ASTN2: variants seen among roughly 807,000 people sequenced by gnomAD.
The protein encoded by ASTN2 is astrotactin-2.
In ASTN2, 54 loss-of-function variants were observed where a neutral mutation model predicts 139.8. That is an observed-to-expected ratio of 0.39 (90% CI 0.31 to 0.48). The LOEUF (loss-of-function observed/expected upper bound fraction) is 0.48, where lower values mean the gene tolerates loss of function less well. Among genes scored for constraint, ASTN2 ranks in the 20% least tolerant of loss-of-function variants. ASTN2 has a pLI of 0.95. For missense variants in ASTN2, 1,565 were observed against 1,725.1 expected (o/e 0.91, Z 1.64); for synonymous variants, 756 against 719.5 (o/e 1.05, Z -0.81).
Position 116,963,691 on chromosome 9 carries a change from C to G in ASTN2, c.1889+11517G>C, listed in dbSNP as rs547677646. Among the ~76,000 whole-genome samples the G allele has an allele frequency of 4.6e-5, 7 of 152,282 alleles. No individual in the cohort carries two copies. The East Asian group carries it at 1.4e-3, about 29-fold the overall frequency. On this transcript the variant is annotated intron_variant, in intron 10 of 22. Transcript: ENST00000313400. ...AGAACTTGGGGCTTTCCTCCATTTG[C>G]TCCTCCAAGCTCACTCTCAGCTTAT... is the stretch of plus-strand genomic sequence containing the variant.
chr9:117,200,433 C>G (rs1328235011), intron 3 of ASTN2, among the ~76,000 whole-genome samples: 2 of 152,092 alleles, frequency 1.3e-5, no homozygotes, highest in Non-Finnish European at 2.9e-5. Context: ...GCATCCTTGC[C>G]TTCTACTGGT....
At chr9:116,855,421 T>C (rs545839653) in intron 11 of ASTN2, among the ~76,000 whole-genome samples, 1 of 152,258 alleles carries the variant, frequency 6.6e-6, no homozygotes, top group East Asian at 1.9e-4. Context: ...ATTCCCTTCT[T>C]TACTGGCTAT....
At chr9:117,367,885 G>T (rs972489096) in intron 1 of ASTN2, among the ~76,000 whole-genome samples, 1 of 152,088 alleles carries the variant, frequency 6.6e-6, no homozygotes, top group African/African-American at 2.4e-5. Context: ...TCATTTGCAC[G>T]AGTTACCTCT....
intron 1 of ASTN2, among the ~76,000 whole-genome samples, chr9:117,377,318 AC>A (rs1384182659): frequency 6.6e-5 from 10 of 152,066 alleles, no homozygotes; most frequent in African/African-American, 2.2e-4. Flanking sequence ...CTTTTCTAAA[AC>A]CCTGTTTTGG....
intron 2 of ASTN2, among the ~76,000 whole-genome samples, chr9:117,285,614 T>C (rs935196931): frequency 5.3e-5 from 8 of 152,216 alleles, no homozygotes; most frequent in African/African-American, 1.9e-4. Flanking sequence ...ATCATCTAAA[T>C]TGGAGGCAAC....
chr9:117,130,353 T>C (rs1421865735), intron 4 of ASTN2, among the ~76,000 whole-genome samples: 1 of 152,148 alleles, frequency 6.6e-6, no homozygotes, highest in Admixed American at 6.6e-5. Flanking sequence ...TGAATCTTAA[T>C]GTGCAAATTA....
At chr9:117,070,149 G>T (rs979738720) in intron 5 of ASTN2, among the ~76,000 whole-genome samples, 1 of 135,790 alleles carries the variant, frequency 7.4e-6, no homozygotes, top group Non-Finnish European at 1.6e-5. Flanking sequence ...GGCTGGTACC[G>T]GTTGTTCCTT....
At chr9:117,341,888 T>C (rs757926097) in intron 1 of ASTN2, among the ~76,000 whole-genome samples, 5 of 152,132 alleles carry the variant, frequency 3.3e-5, no homozygotes, top group Admixed American at 2.6e-4. Flanking sequence ...TTAGAGGTAA[T>C]GGAAGAAGAT....
rs572962761 is a variant in ASTN2 at position 117,257,256 on chromosome 9, G to A, written c.630+34070C>T. Among the ~76,000 whole-genome samples the A allele has an allele frequency of 2.6e-5, 4 of 152,260 alleles. No individual in the cohort carries two copies. In the South Asian group the frequency reaches 8.3e-4, roughly 32 times the overall value. ...GGGTCTAAAAGGACTAGAGTTTGGG[G>A]AACAGGGACACACTGACTTCGGGGC... On this transcript the variant is annotated intron_variant, in intron 2 of 22. Coordinates refer to ENST00000313400, the MANE Select transcript of ASTN2 (RefSeq NM_001365068.1).
At chr9:117,162,620 A>G (rs1253635752) in intron 3 of ASTN2, among the ~76,000 whole-genome samples, 1 of 152,052 alleles carries the variant, frequency 6.6e-6, no homozygotes, top group Non-Finnish European at 1.5e-5. Flanking sequence ...CAAGTTCTTT[A>G]AGCTTTCCTA....
At chr9:116,649,326 A>C (rs1857774623) in intron 17 of ASTN2, among the ~76,000 whole-genome samples, 1 of 152,040 alleles carries the variant, frequency 6.6e-6, no homozygotes, top group Non-Finnish European at 1.5e-5. Flanking sequence ...TAATCCCAGC[A>C]CTTTGGGAGG....
At chr9:116,687,733 G>C in intron 16 of ASTN2, among the ~76,000 whole-genome samples, 1 of 152,018 alleles carries the variant, frequency 6.6e-6, no homozygotes, top group East Asian at 1.9e-4. Flanking sequence ...CAGGGCCCTG[G>C]AGGGACCTGG....
chr9:116,768,065 T>G (rs1371344255), intron 13 of ASTN2, among the ~76,000 whole-genome samples: 4 of 152,206 alleles, frequency 2.6e-5, no homozygotes, highest in African/African-American at 9.6e-5. Context: ...CTTCAAGCAC[T>G]TAGCAGTCTA....
chr9:117,214,988 G>C (rs759549581), intron 2 of ASTN2, among the ~76,000 whole-genome samples: 10 of 152,302 alleles, frequency 6.6e-5, no homozygotes, highest in Admixed American at 6.5e-4. Context: ...TAGTTATAAA[G>C]GTTGAGTAGG....
chr9:116,936,481 T>C (rs1223605453), intron 10 of ASTN2, among the ~76,000 whole-genome samples: 3 of 152,148 alleles, frequency 2.0e-5, no homozygotes, highest in Non-Finnish European at 4.4e-5. Flanking sequence ...GGTTAAGCAA[T>C]TTGCCCAAGG....
intron 19 of ASTN2, among the ~76,000 whole-genome samples, chr9:116,520,743 T>G (rs1370949582): frequency 6.6e-6 from 1 of 152,032 alleles, no homozygotes; most frequent in African/African-American, 2.4e-5. Context: ...ATCATATACC[T>G]AAAAAACTCT....
chr9:117,403,840 TGCTTCCCCCA>T (rs899279340), intron 1 of ASTN2, among the ~76,000 whole-genome samples: 9 of 152,152 alleles, frequency 5.9e-5, no homozygotes, highest in Middle Eastern at 3.4e-3. Flanking sequence ...CGGAATTCCC[TGCTTCCCCCA>T]GCTTCCCCCA....
chr9:116,842,817 C>T (rs1231846901), intron 11 of ASTN2, among the ~76,000 whole-genome samples: 1 of 152,084 alleles, frequency 6.6e-6, no homozygotes, highest in East Asian at 1.9e-4. Flanking sequence ...CAGCTGCAGG[C>T]ACCACCAGGG....
chr9:116,650,981 T>C (rs1168059712), intron 17 of ASTN2, among the ~76,000 whole-genome samples: 4 of 151,626 alleles, frequency 2.6e-5, no homozygotes, highest in African/African-American at 9.7e-5. Flanking sequence ...AATGGCACGA[T>C]CTCGGCTCAC....
Sources: allele counts gnomAD v4.1 joint callset (sites outside exome capture counted in the v4.1 genomes callset), GRCh38; gene constraint gnomAD v4.1.1; transcripts MANE v1.5; gene names NCBI Gene and HGNC (gene_info 2026-07-23, HGNC 2026-07-21).